The following SF3A3 variants were observed in gnomAD, a reference collection of about 807,000 sequenced individuals.
SF3A3 encodes the protein SAP 61.
A neutral mutation model predicts 85.8 loss-of-function variants in SF3A3; 9 were observed. That is an observed-to-expected ratio of 0.10 (90% CI 0.06 to 0.18). The LOEUF is 0.18. SF3A3 is among the 10% of genes least tolerant of loss of function. The probability of loss-of-function intolerance (pLI) is 1.00; values close to 1 mark genes in which losing one functional copy is unlikely to be tolerated. For synonymous variants in SF3A3, 195 were observed against 204.4 expected, an observed-to-expected ratio of 0.95 and a Z score of 0.39; for missense variants, 306 against 593.3, an observed-to-expected ratio of 0.52 and a Z score of 5.03.
At chr1:37,982,913 A>G (rs6673999) in intron 6 of SF3A3, among the ~76,000 whole-genome samples, 151,703 of 152,204 alleles carry the variant, frequency 1, 75,604 homozygotes, top group Middle Eastern at 1. Context: ...TGGACAATAC[A>G]GTGAAACCCT....
intron 4 of SF3A3, among the ~76,000 whole-genome samples, chr1:37,985,552 T>C (rs1014116527): frequency 1.3e-5 from 2 of 152,266 alleles, no homozygotes; most frequent in African/African-American, 4.8e-5. Context: ...ATATATGTAT[T>C]TGTACAAGTA....
intron 12 of SF3A3, among the ~76,000 whole-genome samples, chr1:37,975,833 G>T (rs1045801485): frequency 3.9e-5 from 6 of 152,196 alleles, no homozygotes; most frequent in Admixed American, 2.6e-4. Context: ...AACGGACCAT[G>T]CGAGTATGTG....
In SF3A3 at chr1:37,969,669, C is replaced by G; in HGVS notation, c.1072G>C (p.Glu358Gln). The change falls in exon 13 of 17, where the codon GAA (glutamate) becomes CAA (glutamine). Residue 358 changes from glutamate (E) to glutamine (Q), a missense_variant. Around this residue, in one of 4 missense-constraint regions of SF3A3, gnomAD observed 136 missense variants for 296.6 expected, o/e 0.46. Transcript: ENST00000373019. The stretch of plus-strand genomic sequence containing the variant: ...TCACTGATCTGCTCTTCTTCCTCTT[C>G]TTCTCGCTCTTCTCCTGTCCTGGCT... ...KQARTGEEREEEEEEQISESE... is the reference protein window; with the variant it reads ...KQARTGEEREQEEEEQISESE... 1 of 1,614,110 alleles carries G rather than the reference C, an allele frequency of 6.2e-7. No homozygotes were observed. The highest frequency in any genetic ancestry group is 1.1e-5 in the South Asian group (1 of 91,088).
chr1:37,979,131 G>A, intron 9 of SF3A3, 76 bp from the exon 10 acceptor site: 2 of 1,212,526 alleles, frequency 1.6e-6, no homozygotes, highest in South Asian at 1.2e-5. Flanking sequence ...CCAGAGGGTG[G>A]GTGTTCCTGA....
chr1:37,974,407 A>T (rs1646365577), intron 12 of SF3A3, among the ~76,000 whole-genome samples: 1 of 144,644 alleles, frequency 6.9e-6, no homozygotes. Context: ...GGTTCATGCC[A>T]TTCTCCTGCC....
chr1:37,984,954 C>G lies in SF3A3; in HGVS notation c.304-175G>C, dbSNP rs570774238. Among the ~76,000 whole-genome samples the G allele has an allele frequency of 3.8e-4, 58 of 152,252 alleles. 1 individual carries two copies. The South Asian group carries it at 6.0e-3, about 16-fold the overall frequency. ...ACCCGAGTAGCTGGGATTATAGGCACACACCACCACGCTTGGCTAATTCTT... is the reference window on the plus strand; with the variant it reads ...ACCCGAGTAGCTGGGATTATAGGCAGACACCACCACGCTTGGCTAATTCTT... On this transcript the variant is annotated intron_variant, in intron 4 of 16. Transcript: ENST00000373019.
At chr1:37,965,118 C>T (rs1423392272) in intron 15 of SF3A3, among the ~76,000 whole-genome samples, 3 of 151,932 alleles carry the variant, frequency 2.0e-5, no homozygotes, top group African/African-American at 7.3e-5. Context: ...AGATCAGCCA[C>T]TGCATTCCAG....
intron 12 of SF3A3, among the ~76,000 whole-genome samples, chr1:37,973,175 T>A (rs532979754): frequency 6.6e-6 from 1 of 150,790 alleles, no homozygotes; most frequent in South Asian, 2.1e-4. Context: ...TGAGACTCTG[T>A]CTCCAACAAA....
At chr1:37,978,650 T>C (rs1646395991) in intron 11 of SF3A3, 70 bp downstream of exon 11, 1 of 957,190 alleles carries the variant, frequency 1.0e-6, no homozygotes. Context: ...AAGTCTCCAC[T>C]GTGGTTAAAA....
intron 15 of SF3A3, among the ~76,000 whole-genome samples, chr1:37,966,302 C>T (rs1279629362): frequency 3.3e-5 from 5 of 152,060 alleles, no homozygotes; most frequent in Non-Finnish European, 5.9e-5. Context: ...AAAGCTACTA[C>T]TGCTGGGAAA....
chr1:37,960,082 T>C, intron 16 of SF3A3, 38 bp downstream of exon 16: 2 of 1,580,634 alleles, frequency 1.3e-6, no homozygotes, highest in Non-Finnish European at 1.7e-6. Flanking sequence ...TCTCTATCAC[T>C]TGACACTATC....
chr1:37,980,838 ACTCTTT>A, intron 7 of SF3A3, 114 bp from the exon 8 acceptor site: 1 of 486,408 alleles, frequency 2.1e-6, no homozygotes, highest in East Asian at 4.5e-5. Flanking sequence ...TCTTTTTAAT[ACTCTTT>A]TTTTTTTTTT....
In SF3A3 at chr1:37,987,854, A is replaced by G; in HGVS notation, c.145-18T>C. 6.2e-7 allele frequency: 1 copy of G among 1,605,884 alleles called. No homozygotes were observed. Among genetic ancestry groups the G allele is most frequent in the Non-Finnish European group, 8.5e-7 (1 of 1,172,780 alleles). On this transcript the variant is annotated intron_variant, in intron 2 of 16. Transcript: ENST00000373019. ...ATATACCTCTGAAAGGCAAATACAA[A>G]ACCATCAGAATGATGCAATTTGCAC...
chr1:37,966,672 C>T (rs1646302019), intron 15 of SF3A3, among the ~76,000 whole-genome samples: 1 of 151,992 alleles, frequency 6.6e-6, no homozygotes, highest in Admixed American at 6.6e-5. Context: ...CACGGTGGAT[C>T]ACGCCTGTAA....
At chr1:37,984,864 C>T in intron 4 of SF3A3, 85 bp from the exon 5 acceptor site, 1 of 1,108,798 alleles carries the variant, frequency 9.0e-7, no homozygotes, top group Non-Finnish European at 1.4e-6. Context: ...CTGGAGTGCA[C>T]TGGCACAATC....
chr1:37,958,347 T>G, intron 16 of SF3A3, 84 bp from the exon 17 acceptor site: 1 of 928,496 alleles, frequency 1.1e-6, no homozygotes, highest in Non-Finnish European at 1.8e-6. Flanking sequence ...GAGCTCATCC[T>G]GGCCTGATTC....
Position 37,963,872 on chromosome 1 carries a change from TAAAAAAAAA to T in SF3A3, c.1373-3706_1373-3698del, listed in dbSNP as rs771447218. ...CGCCTGGCCCTGCCAATGATATTCT[TAAAAAAAAA>T]AAAAAAAAAAAAAATTAGAGCCAAG... On this transcript the variant is annotated intron_variant, in intron 15 of 16. Coordinates refer to ENST00000373019, the MANE Select transcript of SF3A3 (RefSeq NM_006802.4). 2.6e-4 allele frequency among the ~76,000 whole-genome samples: 21 copies of T among 81,816 alleles called. No individual in the cohort carries two copies. The South Asian group carries it at 0.011, about 42-fold the overall frequency. The allele number at this position is 81,816 out of a possible 152,430, so 53.7% of individuals were successfully genotyped here.
chr1:37,987,706 G>A, intron 3 of SF3A3, 28 bp from the exon 4 acceptor site: 1 of 1,609,408 alleles, frequency 6.2e-7, no homozygotes, highest in Non-Finnish European at 8.5e-7. Flanking sequence ...TTTCAAAGAA[G>A]ATAGAGCACA....
chr1:37,986,909 A>G (rs12138115), intron 4 of SF3A3, among the ~76,000 whole-genome samples: 65,022 of 151,502 alleles, frequency 0.43, 14,152 homozygotes, highest in East Asian at 0.66. Flanking sequence ...TAGGATTAGG[A>G]CAGGATAGCC....
Sources: allele counts gnomAD v4.1 joint callset (sites outside exome capture counted in the v4.1 genomes callset), GRCh38; gene constraint gnomAD v4.1.1; regional missense constraint gnomAD v4.1.1; transcripts MANE v1.5; gene names NCBI Gene and HGNC (gene_info 2026-07-23, HGNC 2026-07-21).